The following CIRSR variants were observed in gnomAD, a reference collection of about 807,000 sequenced individuals.
The protein encoded by CIRSR is CBF1 (RBPJ) interacting corepressor 1.
chr2:174,371,102 A>G, the CIRSR span, among the ~76,000 whole-genome samples: 2 of 152,122 alleles, frequency 1.3e-5, no homozygotes, highest in South Asian at 4.1e-4. Flanking sequence ...ATAGAGACAG[A>G]AAAAATTAGG....
At chr2:174,366,770 G>A in the CIRSR span, among the ~76,000 whole-genome samples, 1 of 152,170 alleles carries the variant, frequency 6.6e-6, no homozygotes, top group South Asian at 2.1e-4. Flanking sequence ...AATGTTATAA[G>A]GGATGCGAGG....
the CIRSR span, among the ~76,000 whole-genome samples, chr2:174,364,204 G>A: frequency 3.9e-5 from 6 of 152,248 alleles, no homozygotes; most frequent in South Asian, 2.1e-4. Context: ...CCAGCAGGAC[G>A]GTCAAATCTT....
chr2:174,376,456 T>C, the CIRSR span, among the ~76,000 whole-genome samples: 1 of 152,098 alleles, frequency 6.6e-6, no homozygotes, highest in African/African-American at 2.4e-5. Flanking sequence ...AAAATGTCAA[T>C]TGTATAAATT....
the CIRSR span, among the ~76,000 whole-genome samples, chr2:174,359,895 T>C: frequency 6.6e-6 from 1 of 151,770 alleles, no homozygotes; most frequent in Non-Finnish European, 1.5e-5. Context: ...AAAGGATGAG[T>C]TCATGTCCTT....
the CIRSR span, among the ~76,000 whole-genome samples, chr2:174,358,787 A>G: frequency 1.3e-5 from 2 of 152,168 alleles, no homozygotes; most frequent in East Asian, 3.9e-4. Context: ...ATCTCAGCTC[A>G]CTGCAACCTC....
At chr2:174,381,656 CAGA>C in the CIRSR span, 1 of 1,386,864 alleles carries the variant, frequency 7.2e-7, no homozygotes, top group Non-Finnish European at 9.8e-7. Flanking sequence ...GACTGTGCCT[CAGA>C]AAAAAAAAAA....
chr2:174,391,737 A>G, the CIRSR span, among the ~76,000 whole-genome samples: 1 of 152,200 alleles, frequency 6.6e-6, no homozygotes, highest in Non-Finnish European at 1.5e-5. Context: ...AAAAAAGACA[A>G]TTCTATCGAA....
At chr2:174,351,088 T>C in the CIRSR span, among the ~76,000 whole-genome samples, 1 of 152,204 alleles carries the variant, frequency 6.6e-6, no homozygotes, top group Non-Finnish European at 1.5e-5. Flanking sequence ...TATTTTTAAT[T>C]TAATGAAATA....
At chr2:174,395,132 G>A in the CIRSR span, among the ~76,000 whole-genome samples, 1 of 152,146 alleles carries the variant, frequency 6.6e-6, no homozygotes, top group Non-Finnish European at 1.5e-5. Flanking sequence ...TCATCAAAAA[G>A]ACACTAGATT....
the CIRSR span, chr2:174,395,415 G>A: frequency 4.8e-6 from 4 of 829,266 alleles, no homozygotes; most frequent in Admixed American, 4.6e-5. Flanking sequence ...AGAGAAAGGC[G>A]AGACCACCAG....
chr2:174,370,629 T>C, the CIRSR span, among the ~76,000 whole-genome samples: 109,225 of 152,172 alleles, frequency 0.72, 39,555 homozygotes, highest in South Asian at 0.84. Context: ...AAATACATTC[T>C]ACGGGCTGGG....
chr2:174,350,614 A>T, the CIRSR span: 2 of 1,273,128 alleles, frequency 1.6e-6, no homozygotes, highest in Non-Finnish European at 1.1e-6. Flanking sequence ...ACTGAGATGA[A>T]TACTAAGGAA....
At chr2:174,369,892 T>G in the CIRSR span, 1 of 1,259,540 alleles carries the variant, frequency 7.9e-7, no homozygotes, top group Non-Finnish European at 1.1e-6. Context: ...CAAGTTTGAA[T>G]TATTGCAATA....
the CIRSR span, among the ~76,000 whole-genome samples, chr2:174,393,537 G>C: frequency 6.6e-6 from 1 of 151,746 alleles, no homozygotes; most frequent in Admixed American, 6.6e-5. Context: ...ATATAGATGG[G>C]GTCTCACTTT....
the CIRSR span, chr2:174,348,323 A>G: frequency 2.0e-6 from 2 of 982,356 alleles, no homozygotes; most frequent in Non-Finnish European, 2.8e-6. Flanking sequence ...TATAGTACTC[A>G]TGTAGTTTTG....
At chr2:174,393,994 C>A in the CIRSR span, among the ~76,000 whole-genome samples, 1 of 152,138 alleles carries the variant, frequency 6.6e-6, no homozygotes, top group Non-Finnish European at 1.5e-5. Context: ...TCTCCTCTAT[C>A]CTGGGAAAAG....
the CIRSR span, among the ~76,000 whole-genome samples, chr2:174,372,673 C>G: frequency 6.6e-6 from 1 of 152,214 alleles, no homozygotes; most frequent in East Asian, 1.9e-4. Context: ...ACCTCTGCCT[C>G]CCAGGTTTGA....
the CIRSR span, among the ~76,000 whole-genome samples, chr2:174,363,440 G>A: frequency 1.3e-5 from 2 of 152,160 alleles, no homozygotes; most frequent in Non-Finnish European, 2.9e-5. Flanking sequence ...TTAAGGCCTA[G>A]CCAGATAAAC....
chr2:174,349,234 G>T, the CIRSR span: 2 of 872,074 alleles, frequency 2.3e-6, no homozygotes, highest in Non-Finnish European at 3.3e-6. Context: ...TCAACTGTAA[G>T]TTATGAACAA....
Sources: gnomAD v4.1 joint callset for allele counts (sites outside exome capture counted in the v4.1 genomes callset) on GRCh38, gnomAD v4.1.1 for gene constraint, MANE v1.5 for transcripts, NCBI Gene and HGNC (gene_info 2026-07-23, HGNC 2026-07-21) for gene names.